The following DOCK7 variants were observed in gnomAD, a reference collection of about 807,000 sequenced individuals.
The protein encoded by DOCK7 is dedicator of cytokinesis 7.
A neutral mutation model predicts 271.0 loss-of-function variants in DOCK7; 138 were observed. The observed-to-expected ratio is 0.51, with a 90% CI of 0.44 to 0.59. DOCK7 has a LOEUF of 0.59. Among genes scored for constraint, DOCK7 ranks in the 20% least tolerant of loss-of-function variants. DOCK7 has a pLI of 0.00. For missense variants in DOCK7, 2,066 were observed against 2,592.4 expected (o/e 0.80, Z 4.41); for synonymous variants, 823 against 876.1 (o/e 0.94, Z 1.07).
At chr1:62,624,060 C>T (rs555737097) in intron 12 of DOCK7, among the ~76,000 whole-genome samples, 6 of 152,292 alleles carry the variant, frequency 3.9e-5, no homozygotes, top group African/African-American at 1.2e-4. Flanking sequence ...AAAACATGTA[C>T]TACTCCAGTT....
intron 31 of DOCK7, among the ~76,000 whole-genome samples, chr1:62,525,782 C>G (rs966480821): frequency 1.3e-5 from 2 of 152,162 alleles, no homozygotes; most frequent in African/African-American, 2.4e-5. Flanking sequence ...AAATTTGCTA[C>G]ACTGGAATTC....
At chr1:62,669,806 A>G (rs1659726776) in intron 1 of DOCK7, among the ~76,000 whole-genome samples, 2 of 152,212 alleles carry the variant, frequency 1.3e-5, no homozygotes, top group African/African-American at 4.8e-5. Flanking sequence ...GGAGCCCTTC[A>G]GTCCCCCACT....
At chr1:62,582,549 CAAAAAAAAAAAAA>C (rs34110232) in intron 16 of DOCK7, among the ~76,000 whole-genome samples, 54 of 16,864 alleles carry the variant, frequency 3.2e-3, no homozygotes, top group East Asian at 9.3e-3. Flanking sequence ...GACTCCGTCT[CAAAAAAAAAAAAA>C]AAAAAAAAAA....
At chr1:62,543,598 T>C in intron 24 of DOCK7, 58 bp downstream of exon 24, 1 of 1,288,876 alleles carries the variant, frequency 7.8e-7, no homozygotes, top group Non-Finnish European at 1.1e-6. Flanking sequence ...AAATCTTACA[T>C]CTATTTAATT....
intron 14 of DOCK7, chr1:62,604,435 T>C: frequency 1.1e-6 from 1 of 890,582 alleles, no homozygotes; most frequent in Admixed American, 2.8e-5. Context: ...TCCTCAGATT[T>C]TCTATTTTTT....
At chr1:62,660,257 G>A (rs72915113) in intron 2 of DOCK7, among the ~76,000 whole-genome samples, 4,432 of 152,152 alleles carry the variant, frequency 0.029, 233 homozygotes, top group African/African-American at 0.1. Flanking sequence ...CTAGAAAGTG[G>A]CAACAGAAAG....
Position 62,457,465 on chromosome 1 carries a change from A to T in DOCK7, c.6380+73T>A, listed in dbSNP as rs1279381576. ...CGGATGACAGATGCTCGAGCTGTAA[A>T]AAGACTTCTACTAGTTTAACATGTT... On this transcript the variant is annotated intron_variant, in intron 49 of 49. Transcript: ENST00000635253. 3.5e-6 allele frequency: 5 copies of T among 1,446,562 alleles called. No homozygotes were observed. The African/African-American group carries it at 7.1e-5, about 21-fold the overall frequency. The allele number at this position is 1,446,562 out of a possible 1,614,324, so 89.6% of individuals were successfully genotyped here.
intron 48 of DOCK7, among the ~76,000 whole-genome samples, chr1:62,472,771 G>A (rs962102040): frequency 6.6e-6 from 1 of 152,294 alleles, no homozygotes; most frequent in South Asian, 2.1e-4. Flanking sequence ...CAGTTCACCT[G>A]CTAAATACTT....
chr1:62,517,195 C>G, intron 31 of DOCK7, among the ~76,000 whole-genome samples: 1 of 152,358 alleles, frequency 6.6e-6, no homozygotes. Context: ...CTCACCCTTG[C>G]AGTCAAACCT....
chr1:62,592,815 A>G (rs902341862), intron 14 of DOCK7, among the ~76,000 whole-genome samples: 1 of 152,198 alleles, frequency 6.6e-6, no homozygotes, highest in Non-Finnish European at 1.5e-5. Context: ...CCTGGCAGGG[A>G]TGTAAATTGG....
intron 7 of DOCK7, chr1:62,641,401 G>A: frequency 2.5e-6 from 1 of 399,930 alleles, no homozygotes. Context: ...AGGGGAGTGG[G>A]ATCCCATCAA....
chr1:62,458,461 C>T (rs1444048858), intron 48 of DOCK7: 1 of 151,522 alleles, frequency 6.6e-6, no homozygotes, highest in African/African-American at 2.4e-5. Context: ...GGGATGTAAT[C>T]ATGCTCATTT....
chr1:62,569,580 C>T (rs759509944), intron 18 of DOCK7, among the ~76,000 whole-genome samples: 7 of 152,084 alleles, frequency 4.6e-5, no homozygotes, highest in Non-Finnish European at 7.4e-5. Flanking sequence ...ATTGAAGGAA[C>T]ATACCTCAAA....
At chr1:62,572,381 T>C (rs1279557353) in intron 18 of DOCK7, among the ~76,000 whole-genome samples, 1 of 152,262 alleles carries the variant, frequency 6.6e-6, no homozygotes, top group African/African-American at 2.4e-5. Flanking sequence ...TATTATATCA[T>C]TCAATCATCA....
chr1:62,647,814 A>G, intron 6 of DOCK7, 38 bp from the exon 7 acceptor site: 1 of 1,390,246 alleles, frequency 7.2e-7, no homozygotes, highest in Non-Finnish European at 1.0e-6. Context: ...GAATATGCTT[A>G]TCATATTCCA....
Position 62,477,593 on chromosome 1 carries a change from C to T in DOCK7, c.5634+107G>A, listed in dbSNP as rs1168008. 1 allele frequency: 1,240,324 copies of T among 1,245,668 alleles called. 617,614 individuals carry two copies. The highest frequency in any genetic ancestry group is 1 in the South Asian group (46,515 of 46,518). 77.2% of individuals were successfully genotyped at this position (1,245,668 alleles called of 1,614,324 possible). A position where few individuals can be genotyped will look rare whatever the true frequency, so the allele number is the denominator to read the frequency against. ...CCTTATTCTCTAACGGAGTAGTTTA[C>T]TTGGCAAGATCTGGCTTACTAAATG... is the stretch of plus-strand genomic sequence containing the variant. On this transcript the variant is annotated intron_variant, in intron 44 of 49. Coordinates refer to ENST00000635253, the MANE Select transcript of DOCK7 (RefSeq NM_001367561.1).
chr1:62,564,149 T>A (rs1571560410), intron 18 of DOCK7, among the ~76,000 whole-genome samples: 1 of 151,874 alleles, frequency 6.6e-6, no homozygotes, highest in Non-Finnish European at 1.5e-5. Context: ...ACTGTCAATA[T>A]TAGATCAACA....
chr1:62,477,858 C>G, intron 43 of DOCK7, 33 bp from the exon 44 acceptor site: 3 of 1,546,446 alleles, frequency 1.9e-6, no homozygotes, highest in African/African-American at 1.4e-5. Flanking sequence ...AATGGAGAAA[C>G]TTTAATATGA....
At chr1:62,626,177 T>TAATAGAA (rs1653930302) in intron 11 of DOCK7, among the ~76,000 whole-genome samples, 1 of 152,082 alleles carries the variant, frequency 6.6e-6, no homozygotes, top group East Asian at 1.9e-4. Flanking sequence ...AATTAGGAAG[T>TAATAGAA]ATTTAAGATG....
Sources: gnomAD v4.1 joint callset for allele counts (sites outside exome capture counted in the v4.1 genomes callset) on GRCh38, gnomAD v4.1.1 for gene constraint, MANE v1.5 for transcripts, NCBI Gene and HGNC (gene_info 2026-07-23, HGNC 2026-07-21) for gene names.